The following PPA2 variants were observed in gnomAD, a reference collection of about 807,000 sequenced individuals.
The protein encoded by PPA2 is inorganic pyrophosphatase 2, also known as inorganic pyrophosphatase 2, mitochondrial.
Under a neutral mutation model 49.5 loss-of-function variants are expected in PPA2, and 48 were observed. That is an observed-to-expected ratio of 0.97 (90% CI 0.77 to 1.23). The LOEUF is 1.23. Ranked by LOEUF, PPA2 falls within the 50% of genes most tolerant of loss-of-function variation. The pLI is 0.00. For synonymous variants in PPA2, 131 were observed against 139.9 expected (o/e 0.94, Z 0.45); for missense variants, 429 against 410.1 (o/e 1.05, Z -0.40).
intron 7 of PPA2, chr4:105,406,878 G>A (rs1434369089): frequency 6.6e-6 from 1 of 151,784 alleles, no homozygotes; most frequent in Non-Finnish European, 1.5e-5. Flanking sequence ...GAAGCAATGG[G>A]GGCTGATAGA....
intron 9 of PPA2, 81 bp from the exon 10 acceptor site, chr4:105,386,717 A>T: frequency 9.7e-7 from 1 of 1,033,886 alleles, no homozygotes; most frequent in East Asian, 2.6e-5. Flanking sequence ...CTAACTCCAA[A>T]TACTCCACAT....
chr4:105,427,580 A>G (rs1433462378), intron 6 of PPA2, among the ~76,000 whole-genome samples: 1 of 152,162 alleles, frequency 6.6e-6, no homozygotes, highest in East Asian at 1.9e-4. Flanking sequence ...CAATTCAATC[A>G]AGCACAAGAC....
At chr4:105,466,896 G>A (rs1351366705) in intron 1 of PPA2, among the ~76,000 whole-genome samples, 1 of 152,132 alleles carries the variant, frequency 6.6e-6, no homozygotes, top group Non-Finnish European at 1.5e-5. Flanking sequence ...TCCCTTACCA[G>A]TCGAATGTCC....
At chr4:105,401,867 T>C (rs556192991) in intron 7 of PPA2, among the ~76,000 whole-genome samples, 1 of 152,322 alleles carries the variant, frequency 6.6e-6, no homozygotes, top group Admixed American at 6.5e-5. Context: ...ATGCTGACTC[T>C]GGCAGAGTAC....
chr4:105,439,645 T>C (rs1239742048), intron 5 of PPA2, among the ~76,000 whole-genome samples: 1 of 152,132 alleles, frequency 6.6e-6, no homozygotes, highest in Non-Finnish European at 1.5e-5. Flanking sequence ...AGAATTATTA[T>C]TATTATAATA....
At chr4:105,405,060 G>C (rs1008648528) in intron 7 of PPA2, 6 of 339,772 alleles carry the variant, frequency 1.8e-5, no homozygotes, top group Non-Finnish European at 2.5e-5. Flanking sequence ...TCCAGCCTGG[G>C]CGACAGAGTG....
At chr4:105,401,585 CTA>C (rs1722195549) in intron 7 of PPA2, among the ~76,000 whole-genome samples, 1 of 152,018 alleles carries the variant, frequency 6.6e-6, no homozygotes. Context: ...TTTTTACAAT[CTA>C]TGTTATTTTA....
In PPA2 at chr4:105,427,967, C is replaced by T. The variant is rs141484940; in HGVS notation, c.529-3645G>A. Among the ~76,000 whole-genome samples, 753 of 152,254 alleles carry T rather than the reference C, an allele frequency of 4.9e-3. 10 individuals are homozygous for T. Among genetic ancestry groups the T allele is most frequent in the African/African-American group, 0.017 (710 of 41,550 alleles). On this transcript the variant is annotated intron_variant, in intron 6 of 11. Coordinates refer to ENST00000341695, the MANE Select transcript of PPA2 (RefSeq NM_176869.3). Reference sequence around the variant, plus strand: ...CCAGAGAGAAAGGTCAGGTTACCTACAAAGGGAAGCCCATCAGACTAACAG... The same window carrying T: ...CCAGAGAGAAAGGTCAGGTTACCTATAAAGGGAAGCCCATCAGACTAACAG...
At chr4:105,454,916 C>T (rs1400345367) in intron 2 of PPA2, among the ~76,000 whole-genome samples, 4 of 152,126 alleles carry the variant, frequency 2.6e-5, no homozygotes, top group Non-Finnish European at 5.9e-5. Flanking sequence ...ATCTACTACA[C>T]GACTCTCAAA....
At chr4:105,434,610 G>A (rs1723961437) in intron 6 of PPA2, among the ~76,000 whole-genome samples, 1 of 152,162 alleles carries the variant, frequency 6.6e-6, no homozygotes, top group Non-Finnish European at 1.5e-5. Flanking sequence ...CAGGGTATAA[G>A]AATTCCTGGA....
chr4:105,468,501 T>C (rs1723398776), intron 1 of PPA2, among the ~76,000 whole-genome samples: 1 of 152,184 alleles, frequency 6.6e-6, no homozygotes, highest in Non-Finnish European at 1.5e-5. Context: ...AAACTGACCA[T>C]TAAGGTCGCA....
Position 105,369,656 on chromosome 4 carries a change from C to T in PPA2, c.*69G>A, listed in dbSNP as rs1732942982. Reference sequence around the variant, plus strand: ...CAGGAAGTCAGTAAATGCTCATAGACCCCCTTGTCTCTAGCACTTGGAGTC... The same window carrying T: ...CAGGAAGTCAGTAAATGCTCATAGATCCCCTTGTCTCTAGCACTTGGAGTC... On this transcript the variant is annotated 3_prime_UTR_variant, in exon 12 of 12. Coordinates refer to ENST00000341695, the MANE Select transcript of PPA2 (RefSeq NM_176869.3). The T allele has an allele frequency of 2.1e-6, 2 of 930,612 alleles. No individual in the cohort carries two copies. Among genetic ancestry groups the T allele is most frequent in the South Asian group, 3.5e-5 (2 of 56,880 alleles). 57.6% of individuals were successfully genotyped at this position (930,612 alleles called of 1,614,324 possible).
intron 1 of PPA2, among the ~76,000 whole-genome samples, chr4:105,466,503 C>G (rs1723306665): frequency 6.6e-6 from 1 of 152,118 alleles, no homozygotes; most frequent in African/African-American, 2.4e-5. Context: ...AATGGCAAAT[C>G]CCTATGGCTC....
At chr4:105,425,460 G>A (rs767186714) in intron 6 of PPA2, among the ~76,000 whole-genome samples, 1 of 152,036 alleles carries the variant, frequency 6.6e-6, no homozygotes. Flanking sequence ...CAACAAAATA[G>A]ACATTGCCAA....
chr4:105,395,095 C>T (rs970005286), intron 9 of PPA2, among the ~76,000 whole-genome samples: 1 of 151,722 alleles, frequency 6.6e-6, no homozygotes, highest in Non-Finnish European at 1.5e-5. Context: ...AAAAAGAGTG[C>T]TCTGCATACG....
intron 5 of PPA2, among the ~76,000 whole-genome samples, chr4:105,439,411 T>C (rs1311012908): frequency 6.6e-6 from 1 of 152,214 alleles, no homozygotes; most frequent in African/African-American, 2.4e-5. Flanking sequence ...TCTCTTACTC[T>C]GAGCAATCTC....
rs541229316 is a variant in PPA2 at position 105,383,631 on chromosome 4, T to G, written c.939+2936A>C. ...AATCTCAATCAACACACCCTGAGTA[T>G]TCTAGCAATATGCATCTCGAAAGTG... On this transcript the variant is annotated intron_variant, in intron 10 of 11. Transcript: ENST00000341695. 2.8e-4 allele frequency among the ~76,000 whole-genome samples: 43 copies of G among 152,326 alleles called. 1 individual carries two copies. The South Asian group carries it at 3.5e-3, about 12-fold the overall frequency.
At chr4:105,376,119 T>C (rs1227015396) in intron 10 of PPA2, among the ~76,000 whole-genome samples, 2 of 152,194 alleles carry the variant, frequency 1.3e-5, no homozygotes, top group Admixed American at 1.3e-4. Flanking sequence ...TTCACCCGGA[T>C]TCATCTTTGA....
At chr4:105,392,145 T>C (rs1733947797) in intron 9 of PPA2, among the ~76,000 whole-genome samples, 1 of 152,136 alleles carries the variant, frequency 6.6e-6, no homozygotes, top group Non-Finnish European at 1.5e-5. Flanking sequence ...TGTCAAAAAA[T>C]GATTTCTCCC....
Sources: gnomAD v4.1 joint callset for allele counts (sites outside exome capture counted in the v4.1 genomes callset) on GRCh38, gnomAD v4.1.1 for gene constraint, MANE v1.5 for transcripts, NCBI Gene and HGNC (gene_info 2026-07-23, HGNC 2026-07-21) for gene names.